GAK: variants seen among roughly 807,000 people sequenced by gnomAD.
GAK encodes cyclin-G-associated kinase.
GAK carries 79 observed loss-of-function variants against 143.9 expected under a neutral mutation model. The observed-to-expected ratio is 0.55, with a 90% CI of 0.46 to 0.66. The LOEUF is 0.66. GAK is among the 30% of genes least tolerant of loss of function. The pLI is 0.00. For synonymous variants in GAK, 881 were observed against 765.5 expected (o/e 1.15, Z -2.49); for missense variants, 1,693 against 1,779.7 (o/e 0.95, Z 0.88).
chr4:892,509 G>C (rs374779351), intron 9 of GAK, among the ~76,000 whole-genome samples: 58 of 152,304 alleles, frequency 3.8e-4, no homozygotes, highest in Middle Eastern at 3.4e-3. Context: ...GCATCTTCCA[G>C]CCAACACGTG....
At chr4:868,186 C>G (rs1711504208) in intron 20 of GAK, among the ~76,000 whole-genome samples, 1 of 152,058 alleles carries the variant, frequency 6.6e-6, no homozygotes, top group Non-Finnish European at 1.5e-5. Context: ...GTGGGATCCC[C>G]AGGTGGTGAC....
chr4:852,025 A>G (rs765365719), intron 24 of GAK, 51 bp from the exon 25 acceptor site: 10 of 1,439,690 alleles, frequency 6.9e-6, no homozygotes, highest in Non-Finnish European at 9.7e-6. Flanking sequence ...ATGAGGGGCA[A>G]CTACTGTTTC....
intron 15 of GAK, among the ~76,000 whole-genome samples, chr4:878,266 G>GT (rs1714398211): frequency 6.6e-6 from 1 of 152,170 alleles, no homozygotes; most frequent in Admixed American, 6.5e-5. Flanking sequence ...GTGTGCACCT[G>GT]TAATCCCAGC....
intron 24 of GAK, among the ~76,000 whole-genome samples, chr4:855,972 A>C (rs572430063): frequency 7.2e-5 from 11 of 152,298 alleles, no homozygotes; most frequent in African/African-American, 1.9e-4. Context: ...AACAAACAAA[A>C]AAAAGATGTT....
intron 1 of GAK, among the ~76,000 whole-genome samples, chr4:920,540 T>A (rs11248058): frequency 0.07 from 1,493 of 21,192 alleles, 55 homozygotes; most frequent in South Asian, 0.16. Flanking sequence ...TTTAGAGCCA[T>A]TTTTTTTTTT....
chr4:897,718 G>A (rs964906835), intron 6 of GAK, among the ~76,000 whole-genome samples: 1 of 152,196 alleles, frequency 6.6e-6, no homozygotes, highest in Non-Finnish European at 1.5e-5. Context: ...AGGCTGACGC[G>A]GGTGGATCAC....
Position 883,410 on chromosome 4 carries a change from C to A in GAK, c.1309G>T (p.Asp437Tyr). The change falls in exon 13 of 28, where the codon GAT becomes TAT. Residue 437 changes from aspartate (D) to tyrosine (Y), a missense_variant. Physicochemically the swap from Asp to Tyr is radical, Grantham distance 160 (BLOSUM62 -3). Transcript: ENST00000314167. ...VESALKNNIE[D>Y]VRLFLDSKHP... ...TTGGAGTCCAGGAACAACCGCACAT[C>A]TTCGATGTTGTTTTTGAGCGCTGAC... The A allele has an allele frequency of 6.2e-7, 1 of 1,613,836 alleles. No homozygotes were observed. Among genetic ancestry groups the A allele is most frequent in the Non-Finnish European group, 8.5e-7 (1 of 1,180,016 alleles).
intron 15 of GAK, among the ~76,000 whole-genome samples, chr4:881,430 C>T (rs562567877): frequency 4.5e-4 from 68 of 152,256 alleles, no homozygotes; most frequent in African/African-American, 1.6e-3. Flanking sequence ...ACCACACTCC[C>T]GTTTGAGAAA....
At position 882,058 on chromosome 4, in the gene GAK, G is replaced by T; in HGVS notation, c.1528-18C>A. ...CTCCCGTCCTAGGACAGACAGACACGTCTCGCGTGCGCCTCGCACTCATGC... is the reference window on the plus strand; with the variant it reads ...CTCCCGTCCTAGGACAGACAGACACTTCTCGCGTGCGCCTCGCACTCATGC... On this transcript the variant is annotated intron_variant, in intron 14 of 27. Coordinates refer to ENST00000314167, the MANE Select transcript of GAK (RefSeq NM_005255.4). 6.3e-7 allele frequency: 1 copy of T among 1,587,680 alleles called. No individual in the cohort carries two copies.
chr4:870,585 C>A, intron 19 of GAK, 126 bp downstream of exon 19: 1 of 913,652 alleles, frequency 1.1e-6, no homozygotes, highest in South Asian at 1.7e-5. Flanking sequence ...GCAGCCCAAG[C>A]TGCTCAGGGC....
intron 18 of GAK, among the ~76,000 whole-genome samples, chr4:873,889 G>C (rs1047705886): frequency 4.6e-5 from 7 of 152,274 alleles, no homozygotes; most frequent in African/African-American, 1.7e-4. Flanking sequence ...ACCTTCAATG[G>C]GATGACTGAC....
chr4:896,438 A>T (rs1488685052), intron 7 of GAK, 22 bp downstream of exon 7: 3 of 1,605,084 alleles, frequency 1.9e-6, no homozygotes, highest in Non-Finnish European at 2.6e-6. Context: ...AGGCACTGCC[A>T]CTGAGAGGCG....
chr4:913,627 C>T lies in GAK; in HGVS notation c.187G>A (p.Gly63Ser). 1 of 1,613,664 alleles carries T rather than the reference C, an allele frequency of 6.2e-7. No individual in the cohort carries two copies. Among genetic ancestry groups the T allele is most frequent in the Admixed American group, 1.7e-5 (1 of 60,012 alleles). ...ATTACCTTTAATGCATACTCTCTGC[C>T]ACTCCCCACATCTTGAGCTTCATAC... ...FVYEAQDVGSGREYALKRLLS... is the reference protein window; with the variant it reads ...FVYEAQDVGSSREYALKRLLS... Residue 63 changes from glycine (G) to serine (S), a missense_variant, in exon 2 of 28, where the codon GGC becomes AGC. This residue lies in a region of GAK where 871 missense variants were observed against 991.0 expected (regional missense o/e 0.88). Transcript: ENST00000314167.
intron 23 of GAK, among the ~76,000 whole-genome samples, chr4:861,199 C>T (rs1750215510): frequency 1.3e-5 from 2 of 152,244 alleles, no homozygotes; most frequent in East Asian, 1.9e-4. Flanking sequence ...TCAGAACCTA[C>T]AACGGCCTAT....
At chr4:913,059 C>T (rs1350209300) in intron 2 of GAK, among the ~76,000 whole-genome samples, 1 of 152,214 alleles carries the variant, frequency 6.6e-6, no homozygotes, top group East Asian at 1.9e-4. Context: ...ATGAGACAGA[C>T]AAGAAGGAAG....
intron 20 of GAK, among the ~76,000 whole-genome samples, chr4:867,840 T>A (rs3733351): frequency 1.3e-5 from 2 of 151,708 alleles, no homozygotes; most frequent in African/African-American, 4.8e-5. Flanking sequence ...GGCGGTGGGG[T>A]GTTGTTCCTG....
At chr4:930,365 C>T (rs1725454683) in intron 1 of GAK, among the ~76,000 whole-genome samples, 1 of 151,964 alleles carries the variant, frequency 6.6e-6, no homozygotes, top group Admixed American at 6.6e-5. Flanking sequence ...TTCTTTTGCA[C>T]AACCTCAGCA....
intron 19 of GAK, 50 bp downstream of exon 19, chr4:870,661 A>C (rs1445338128): frequency 6.3e-5 from 99 of 1,572,764 alleles, no homozygotes; most frequent in Non-Finnish European, 7.9e-5. Flanking sequence ...CTCTCTCCAC[A>C]GAGACACTCA....
chr4:896,010 G>A (rs1274574671), intron 7 of GAK, among the ~76,000 whole-genome samples: 2 of 152,186 alleles, frequency 1.3e-5, no homozygotes, highest in African/African-American at 2.4e-5. Context: ...GCCTGTAATC[G>A]CAGCACTTTG....
Sources: allele counts gnomAD v4.1 joint callset (sites outside exome capture counted in the v4.1 genomes callset), GRCh38; gene constraint gnomAD v4.1.1; regional missense constraint gnomAD v4.1.1; transcripts MANE v1.5; gene names NCBI Gene and HGNC (gene_info 2026-07-23, HGNC 2026-07-21).